Variants in PLEKHM3 observed in about 807,000 individuals in gnomAD.
PLEKHM3 encodes the protein pleckstrin homology domain containing M3, also known as pleckstrin homology domain-containing family M member 3.
Under a neutral mutation model 81.8 loss-of-function variants are expected in PLEKHM3, and 45 were observed. The ratio of observed to expected loss-of-function variants is 0.55; its 90% CI spans 0.43 to 0.71. The LOEUF (loss-of-function observed/expected upper bound fraction) is 0.71. Among genes scored for constraint, PLEKHM3 ranks in the 30% least tolerant of loss-of-function variants. PLEKHM3 has a pLI of 0.00. For synonymous variants in PLEKHM3, 352 were observed against 356.4 expected (o/e 0.99, Z 0.14); for missense variants, 788 against 924.3 (o/e 0.85, Z 1.91).
At chr2:207,871,246 A>T (rs1318667989) in intron 6 of PLEKHM3, among the ~76,000 whole-genome samples, 2 of 152,220 alleles carry the variant, frequency 1.3e-5, no homozygotes, top group Non-Finnish European at 2.9e-5. Flanking sequence ...ACATAAACAT[A>T]GAAGTGTCTC....
At chr2:207,962,254 C>T (rs774740855) in intron 3 of PLEKHM3, among the ~76,000 whole-genome samples, 46 of 152,112 alleles carry the variant, frequency 3.0e-4, no homozygotes, top group Non-Finnish European at 6.2e-4. Flanking sequence ...GTTGCATGGC[C>T]AATGATTCAA....
At position 207,977,738 on chromosome 2, in the gene PLEKHM3, C is replaced by T; in HGVS notation, c.611-152G>A. On this transcript the variant is annotated intron_variant, in intron 2 of 7. Coordinates refer to ENST00000427836, the MANE Select transcript of PLEKHM3 (RefSeq NM_001080475.3). ...TAAACAAAATAAAAGTAGTAGAATC[C>T]CACGATGGTACCTAACTGGCAAGAA... 4.3e-6 allele frequency: 3 copies of T among 690,358 alleles called. No individual in the cohort carries two copies. The South Asian group carries it at 6.2e-5, about 14-fold the overall frequency. The allele number at this position is 690,358 out of a possible 1,614,324, so 42.8% of individuals were successfully genotyped here. A position where few individuals can be genotyped will look rare whatever the true frequency, so the allele number is the denominator to read the frequency against.
chr2:207,933,480 T>A (rs116755209), intron 4 of PLEKHM3, among the ~76,000 whole-genome samples: 8 of 152,348 alleles, frequency 5.3e-5, no homozygotes, highest in Non-Finnish European at 1.0e-4. Context: ...TGAAAAATGA[T>A]GTATTGTACA....
chr2:207,906,490 A>C (rs1688614865), intron 6 of PLEKHM3, among the ~76,000 whole-genome samples: 1 of 152,200 alleles, frequency 6.6e-6, no homozygotes, highest in African/African-American at 2.4e-5. Context: ...CTGCCATTTA[A>C]TTTAAAATAA....
At chr2:207,959,154 T>A (rs1049653133) in intron 3 of PLEKHM3, among the ~76,000 whole-genome samples, 1 of 152,204 alleles carries the variant, frequency 6.6e-6, no homozygotes, top group Non-Finnish European at 1.5e-5. Context: ...CAGCACTTCC[T>A]TAAATTCTGT....
rs996534760 is a variant in PLEKHM3 at position 208,000,733 on chromosome 2, G to A, written c.610+297C>T. On this transcript the variant is annotated intron_variant, in intron 2 of 7. Coordinates refer to ENST00000427836, the MANE Select transcript of PLEKHM3 (RefSeq NM_001080475.3). ...AATACATTAAGTATGAGAGTATTCC[G>A]ATTCTAACATACAAGATTAGAAAGG... Among the ~76,000 whole-genome samples, 39 of 152,068 alleles carry A rather than the reference G, an allele frequency of 2.6e-4. 1 individual carries two copies. The highest frequency in any genetic ancestry group is 1.2e-4 in the Non-Finnish European group (8 of 68,014).
chr2:207,856,247 CT>C (rs1318432979), intron 7 of PLEKHM3, among the ~76,000 whole-genome samples: 39 of 152,164 alleles, frequency 2.6e-4, no homozygotes, highest in Non-Finnish European at 4.3e-4. Flanking sequence ...GTTGTGTTTT[CT>C]TTATTAACAA....
rs113954317 is a variant in PLEKHM3, at chr2:207,883,726, A to G, written c.1951-22464T>C. ...CATAAATGTTAAAATGGACTGATTC[A>G]GTAAAAATTATGAACAAAAAACTAG... is the stretch of plus-strand genomic sequence containing the variant. On this transcript the variant is annotated intron_variant, in intron 6 of 7. Transcript: ENST00000427836. Among the ~76,000 whole-genome samples, 190 of 152,348 alleles carry G rather than the reference A, an allele frequency of 1.2e-3. 3 individuals carry two copies. Among genetic ancestry groups the G allele is most frequent in the Middle Eastern group, 6.8e-3 (2 of 294 alleles).
chr2:207,932,436 C>G (rs1194643942), intron 4 of PLEKHM3, among the ~76,000 whole-genome samples: 2 of 152,098 alleles, frequency 1.3e-5, no homozygotes, highest in African/African-American at 4.8e-5. Context: ...TCTCTAAAAA[C>G]TTTCCATTAA....
intron 2 of PLEKHM3, among the ~76,000 whole-genome samples, chr2:207,994,302 T>A (rs1029572246): frequency 3.3e-5 from 5 of 152,192 alleles, no homozygotes; most frequent in Middle Eastern, 3.2e-3. Context: ...TATGTTTAGA[T>A]TGTAATTCTG....
chr2:208,020,523 C>T (rs1222133691), intron 1 of PLEKHM3, among the ~76,000 whole-genome samples: 2 of 152,174 alleles, frequency 1.3e-5, no homozygotes, highest in Non-Finnish European at 2.9e-5. Flanking sequence ...TATGATCCCA[C>T]AGTAGCCAAT....
chr2:208,025,355 C>G (rs1693295476), intron 1 of PLEKHM3, 34 bp downstream of exon 1: 1 of 152,430 alleles, frequency 6.6e-6, no homozygotes, highest in Non-Finnish European at 1.5e-5. Flanking sequence ...CCAAACTGGC[C>G]GGCCAGGCAG....
intron 3 of PLEKHM3, among the ~76,000 whole-genome samples, chr2:207,958,603 A>G (rs1420717626): frequency 6.6e-6 from 1 of 152,176 alleles, no homozygotes; most frequent in African/African-American, 2.4e-5. Context: ...GCTTCAGGGG[A>G]AGATGTCTAA....
At chr2:207,946,633 A>C in intron 3 of PLEKHM3, 121 bp from the exon 4 acceptor site, 1 of 1,320,712 alleles carries the variant, frequency 7.6e-7, no homozygotes. Flanking sequence ...TCTGCAACAA[A>C]AAAGAAGTTA....
chr2:207,990,794 C>T (rs1691875347), intron 2 of PLEKHM3, among the ~76,000 whole-genome samples: 1 of 152,136 alleles, frequency 6.6e-6, no homozygotes, highest in Non-Finnish European at 1.5e-5. Context: ...TAGAAATGAA[C>T]TAGTCTTTTC....
chr2:207,905,430 C>T (rs925456435), intron 6 of PLEKHM3, among the ~76,000 whole-genome samples: 6 of 152,216 alleles, frequency 3.9e-5, no homozygotes, highest in Admixed American at 2.6e-4. Context: ...TAGGGTTTCC[C>T]GATACCACCA....
At chr2:207,923,490 C>G (rs1349428132) in intron 5 of PLEKHM3, among the ~76,000 whole-genome samples, 1 of 151,884 alleles carries the variant, frequency 6.6e-6, no homozygotes, top group Non-Finnish European at 1.5e-5. Flanking sequence ...GCCTGTAACC[C>G]CAGCTACTCG....
At chr2:207,833,701 A>G (rs2092301632) in intron 7 of PLEKHM3, among the ~76,000 whole-genome samples, 2 of 152,192 alleles carry the variant, frequency 1.3e-5, no homozygotes, top group South Asian at 4.1e-4. Context: ...ACAACCAGCA[A>G]TATCTCCAAA....
Position 208,001,073 on chromosome 2 carries a change from CA to C in PLEKHM3, c.566del (p.Leu189ArgfsTer8). 1 of 1,564,568 alleles carries C rather than the reference CA, an allele frequency of 6.4e-7. No individual in the cohort carries two copies. The highest frequency in any genetic ancestry group is 8.7e-7 in the Non-Finnish European group (1 of 1,154,312). ...CTTCTATCTTATTTGGTGAGGGCAACAGAAAAGATGGCCTGGTGACATGCGG... is the reference window on the plus strand; with the variant it reads ...CTTCTATCTTATTTGGTGAGGGCAACGAAAAGATGGCCTGGTGACATGCGG... ...QGPHVTRPSF[L>X]LPSPNKIEDA... On this transcript the variant is annotated frameshift_variant, in exon 2 of 8. Transcript: ENST00000427836. LOFTEE classifies it high-confidence loss of function.
Sources: allele counts gnomAD v4.1 joint callset (sites outside exome capture counted in the v4.1 genomes callset), GRCh38; gene constraint gnomAD v4.1.1; transcripts MANE v1.5; gene names NCBI Gene and HGNC (gene_info 2026-07-23, HGNC 2026-07-21).